The following TNIK variants were observed in gnomAD, a reference collection of about 807,000 sequenced individuals.
TNIK encodes TRAF2 and NCK interacting kinase, also known as TRAF2 and NCK-interacting protein kinase.
TNIK carries 49 observed loss-of-function variants against 191.3 expected under a neutral mutation model. That is an observed-to-expected ratio of 0.26 (90% CI 0.20 to 0.32). The LOEUF (loss-of-function observed/expected upper bound fraction) is 0.32. Among genes scored for constraint, TNIK ranks in the 10% least tolerant of loss-of-function variants. The pLI is 1.00. For synonymous variants in TNIK, 594 were observed against 600.9 expected, an observed-to-expected ratio of 0.99 and a Z score of 0.17; for missense variants, 1,155 against 1,702.3, an observed-to-expected ratio of 0.68 and a Z score of 5.66.
chr3:171,215,532 A>G (rs531915572), intron 3 of TNIK, among the ~76,000 whole-genome samples: 37 of 152,326 alleles, frequency 2.4e-4, no homozygotes, highest in African/African-American at 8.7e-4. Flanking sequence ...CAAAGCCAGT[A>G]TTCTTAATTC....
chr3:171,372,943 T>C (rs1378149080), intron 1 of TNIK, among the ~76,000 whole-genome samples: 1 of 152,160 alleles, frequency 6.6e-6, no homozygotes, highest in Admixed American at 6.5e-5. Flanking sequence ...GAGGGGGCTC[T>C]TTGAAACCCT....
intron 10 of TNIK, among the ~76,000 whole-genome samples, chr3:171,163,593 T>C (rs566040927): frequency 6.6e-6 from 1 of 152,274 alleles, no homozygotes; most frequent in South Asian, 2.1e-4. Context: ...CACCAAAATA[T>C]AAAGAACCTG....
At chr3:171,312,572 T>C (rs992177288) in intron 2 of TNIK, among the ~76,000 whole-genome samples, 1 of 152,136 alleles carries the variant, frequency 6.6e-6, no homozygotes, top group South Asian at 2.1e-4. Context: ...AGAAGATCTA[T>C]TTAACTGGGT....
intron 2 of TNIK, among the ~76,000 whole-genome samples, chr3:171,345,263 C>T (rs555182314): frequency 6.6e-6 from 1 of 152,254 alleles, no homozygotes; most frequent in South Asian, 2.1e-4. Flanking sequence ...TGGCTGCAGC[C>T]CAGGCACCAT....
At chr3:171,421,998 G>A (rs1345975880) in intron 1 of TNIK, among the ~76,000 whole-genome samples, 1 of 152,052 alleles carries the variant, frequency 6.6e-6, no homozygotes, top group East Asian at 1.9e-4. Context: ...CCAAATTGCT[G>A]AGATTACAGG....
intron 4 of TNIK, among the ~76,000 whole-genome samples, chr3:171,200,448 T>G (rs1176249302): frequency 1.3e-5 from 2 of 151,836 alleles, no homozygotes; most frequent in Non-Finnish European, 2.9e-5. Context: ...CAAAGAGTTC[T>G]GACACTTCAC....
At chr3:171,266,121 G>T (rs1400169487) in intron 2 of TNIK, among the ~76,000 whole-genome samples, 1 of 152,172 alleles carries the variant, frequency 6.6e-6, no homozygotes, top group African/African-American at 2.4e-5. Flanking sequence ...AAGATGGGGG[G>T]AAGATAGGAG....
chr3:171,311,582 C>T (rs950155896), intron 2 of TNIK, among the ~76,000 whole-genome samples: 20 of 152,132 alleles, frequency 1.3e-4, no homozygotes, highest in Non-Finnish European at 2.5e-4. Flanking sequence ...CCAGAGCACA[C>T]GCTGATTTTT....
chr3:171,180,286 C>T lies in TNIK; in HGVS notation c.640-2906G>A, dbSNP rs148163768. 2.1e-3 allele frequency among the ~76,000 whole-genome samples: 316 copies of T among 152,266 alleles called. 1 individual carries two copies. Among genetic ancestry groups the T allele is most frequent in the Non-Finnish European group, 3.2e-3 (217 of 68,018 alleles). On this transcript the variant is annotated intron_variant, in intron 7 of 32. Transcript: ENST00000436636. ...CCTCACCTCCCCAAAGCCTGCTCAA[C>T]CCCTGTGTTCTCAACGAGGACCCCT...
intron 22 of TNIK, among the ~76,000 whole-genome samples, chr3:171,096,149 C>T (rs147703626): frequency 1.5e-3 from 234 of 152,230 alleles, no homozygotes; most frequent in African/African-American, 5.2e-3. Flanking sequence ...GAAAGGGGTT[C>T]TTTGCTATTG....
intron 4 of TNIK, among the ~76,000 whole-genome samples, chr3:171,197,877 C>T (rs7618166): frequency 0.3 from 45,031 of 152,028 alleles, 6,968 homozygotes; most frequent in East Asian, 0.5. Flanking sequence ...AAGTTACACA[C>T]AGAATTGACA....
At chr3:171,152,139 G>C (rs948692555) in intron 12 of TNIK, among the ~76,000 whole-genome samples, 2 of 152,050 alleles carry the variant, frequency 1.3e-5, no homozygotes, top group Non-Finnish European at 2.9e-5. Flanking sequence ...AGACTAGCTG[G>C]GCGTGGTGGA....
chr3:171,098,415 ATTTCCCTCCACTCGTTAT>A (rs756750674), intron 22 of TNIK, among the ~76,000 whole-genome samples: 3 of 152,078 alleles, frequency 2.0e-5, no homozygotes, highest in African/African-American at 4.8e-5. Flanking sequence ...ATTTTGGTGT[ATTTCCCTCCACTCGTTAT>A]TTTTCTATGC....
rs770031292 is a variant in TNIK at position 171,190,764 on chromosome 3, A to G, written c.441T>C (p.His147=). The G allele has an allele frequency of 1.9e-6, 3 of 1,595,082 alleles. No homozygotes were observed. Among genetic ancestry groups the G allele is most frequent in the South Asian group, 2.3e-5 (2 of 87,550 alleles). The change falls in exon 6 of 33, where the codon CAT becomes CAC. Residue 147 remains histidine (H), a synonymous_variant. Transcript: ENST00000436636. ...CTTTAATATCTCGATGAATCACTTT[A>G]TGCTGGTGCAGGTGACTCAGCCCCT... is the stretch of plus-strand genomic sequence containing the variant. ...ILRGLSHLHQ[H]KVIHRDIKGQ...
At chr3:171,442,113 C>T (rs1726893812) in intron 1 of TNIK, among the ~76,000 whole-genome samples, 1 of 152,126 alleles carries the variant, frequency 6.6e-6, no homozygotes. Flanking sequence ...ATGTTCCTTG[C>T]AAACTAAACA....
intron 24 of TNIK, among the ~76,000 whole-genome samples, chr3:171,085,679 G>A (rs1212103264): frequency 6.6e-6 from 1 of 152,158 alleles, no homozygotes; most frequent in Non-Finnish European, 1.5e-5. Flanking sequence ...TTTCTCTTGG[G>A]GAGGAGAGCT....
At chr3:171,226,367 T>A (rs980487227) in intron 3 of TNIK, among the ~76,000 whole-genome samples, 2 of 152,118 alleles carry the variant, frequency 1.3e-5, no homozygotes, top group Non-Finnish European at 1.5e-5. Context: ...ATCCAATAAA[T>A]ATTTTGAACC....
chr3:171,391,653 T>A (rs1195981274), intron 1 of TNIK, among the ~76,000 whole-genome samples: 1 of 152,254 alleles, frequency 6.6e-6, no homozygotes, highest in Admixed American at 6.5e-5. Context: ...TAAGATGGTA[T>A]ATATAAGCCC....
intron 3 of TNIK, among the ~76,000 whole-genome samples, chr3:171,219,327 T>TAA (rs1036822794): frequency 1.4e-5 from 2 of 145,572 alleles, no homozygotes; most frequent in African/African-American, 5.0e-5. Flanking sequence ...TGTATATATA[T>TAA]AATGATATAT....
Sources: gnomAD v4.1 joint callset for allele counts (sites outside exome capture counted in the v4.1 genomes callset) on GRCh38, gnomAD v4.1.1 for gene constraint, MANE v1.5 for transcripts, NCBI Gene and HGNC (gene_info 2026-07-23, HGNC 2026-07-21) for gene names.